PLEKHS1: variants seen among roughly 807,000 people sequenced by gnomAD.
PLEKHS1 encodes pleckstrin homology domain containing S1, also known as pleckstrin homology domain-containing family S member 1.
A neutral mutation model predicts 51.0 loss-of-function variants in PLEKHS1; 55 were observed. The ratio of observed to expected loss-of-function variants is 1.08; its 90% CI spans 0.87 to 1.35. The LOEUF (loss-of-function observed/expected upper bound fraction) is 1.35, where lower values mean the gene tolerates loss of function less well. Ranked by LOEUF, PLEKHS1 falls within the 40% of genes most tolerant of loss-of-function variation. The pLI, the probability that PLEKHS1 is intolerant of heterozygous loss-of-function variation, is 0.00. For missense variants in PLEKHS1, 398 were observed against 423.0 expected, an observed-to-expected ratio of 0.94 and a Z score of 0.52; for synonymous variants, 153 against 144.8, an observed-to-expected ratio of 1.06 and a Z score of -0.41.
Position 113,766,644 on chromosome 10 carries a change from A to G in PLEKHS1, c.150A>G (p.Ser50=). 2.5e-6 allele frequency: 4 copies of G among 1,612,176 alleles called. No homozygotes were observed. The South Asian group carries it at 3.3e-5, about 13-fold the overall frequency. Residue 50 remains serine, a synonymous_variant, in exon 4 of 12, where the codon TCA becomes TCG. Coordinates refer to ENST00000361048, the Ensembl canonical transcript of PLEKHS1. ...GGAAAAAGCGGTTTTTCATCCTGTCAAAGGCTGGGGAAAAGAGCTTTAGTC... is the reference window on the plus strand; with the variant it reads ...GGAAAAAGCGGTTTTTCATCCTGTCGAAGGCTGGGGAAAAGAGCTTTAGTC...
At chr10:113,760,989 G>C (rs1843896594) in intron 2 of PLEKHS1, among the ~76,000 whole-genome samples, 1 of 152,166 alleles carries the variant, frequency 6.6e-6, no homozygotes, top group Non-Finnish European at 1.5e-5. Flanking sequence ...TATTTGGGAT[G>C]ACATAGGGGT....
intron 7 of PLEKHS1, chr10:113,771,342 A>T (rs1408972582): frequency 6.6e-6 from 1 of 152,164 alleles, no homozygotes; most frequent in African/African-American, 2.4e-5. Flanking sequence ...TACAGGAAAA[A>T]GATGAGGGTA....
intron 1 of PLEKHS1, among the ~76,000 whole-genome samples, chr10:113,753,909 G>C (rs1223177437): frequency 6.6e-6 from 1 of 152,020 alleles, no homozygotes; most frequent in Non-Finnish European, 1.5e-5. Flanking sequence ...CTGGGTTCAT[G>C]TGATTCTTCT....
At chr10:113,767,876 C>A (rs1844233742) in intron 5 of PLEKHS1, among the ~76,000 whole-genome samples, 1 of 152,144 alleles carries the variant, frequency 6.6e-6, no homozygotes, top group African/African-American at 2.4e-5. Flanking sequence ...GGCGTTCTCC[C>A]TGTGTGCATA....
At chr10:113,777,460 G>C in intron 11 of PLEKHS1, 3 of 1,599,920 alleles carry the variant, frequency 1.9e-6, no homozygotes, top group Non-Finnish European at 2.6e-6. Context: ...AAGGCACTGA[G>C]CTAAGAGACA....
downstream of PLEKHS1, chr10:113,782,448 G>C (rs1312533325): frequency 1.3e-5 from 2 of 152,170 alleles, no homozygotes; most frequent in Admixed American, 6.5e-5. Flanking sequence ...GTTTGGATCT[G>C]TGTCCCTAAC....
chr10:113,777,795 G>A, intron 11 of PLEKHS1: 2 of 1,436,330 alleles, frequency 1.4e-6, no homozygotes, highest in Non-Finnish European at 1.8e-6. Context: ...AATCGTCACA[G>A]CCCTAACTTC....
intron 2 of PLEKHS1, among the ~76,000 whole-genome samples, chr10:113,762,863 G>T (rs1844003458): frequency 6.6e-6 from 1 of 151,868 alleles, no homozygotes; most frequent in South Asian, 2.1e-4. Flanking sequence ...CTGTATTCTT[G>T]CTGATTTTCT....
intron 2 of PLEKHS1, 52 bp downstream of exon 2, chr10:113,755,357 C>G (rs773673727): frequency 6.3e-7 from 1 of 1,586,068 alleles, no homozygotes; most frequent in Non-Finnish European, 8.6e-7. Flanking sequence ...TGAAAATGCC[C>G]CACGGTTTCC....
intron 1 of PLEKHS1, among the ~76,000 whole-genome samples, chr10:113,754,565 C>T (rs867993624): frequency 2.0e-5 from 3 of 152,104 alleles, no homozygotes; most frequent in Admixed American, 6.5e-5. Flanking sequence ...CTCCGCCTCC[C>T]GGGTTCAAGC....
intron 2 of PLEKHS1, chr10:113,765,412 T>A (rs930454069): frequency 2.6e-6 from 2 of 779,350 alleles, no homozygotes; most frequent in East Asian, 2.4e-5. Flanking sequence ...TTTTTCTGAA[T>A]CTCTGATGTA....
chr10:113,777,363 T>A, intron 11 of PLEKHS1, 104 bp downstream of exon 12: 1 of 1,608,754 alleles, frequency 6.2e-7, no homozygotes, highest in South Asian at 1.1e-5. Flanking sequence ...CAAATAAGGT[T>A]CCTCATTCTT....
At chr10:113,766,536 G>C in intron 3 of PLEKHS1, 37 bp downstream of exon 3, 1 of 1,578,798 alleles carries the variant, frequency 6.3e-7, no homozygotes, top group Non-Finnish European at 8.7e-7. Flanking sequence ...CCTCCCACCA[G>C]CCTCATGAGC....
intron 7 of PLEKHS1, among the ~76,000 whole-genome samples, chr10:113,770,654 G>A (rs117877840): frequency 5.3e-4 from 81 of 152,164 alleles, no homozygotes; most frequent in Non-Finnish European, 9.7e-4. Context: ...GCTTTTTGTA[G>A]CATATCAAAT....
intron 5 of PLEKHS1, among the ~76,000 whole-genome samples, chr10:113,768,614 C>A (rs1336233446): frequency 6.6e-6 from 1 of 152,218 alleles, no homozygotes; most frequent in African/African-American, 2.4e-5. Flanking sequence ...TTTCTCTGAG[C>A]TTTCCTTGCA....
chr10:113,767,056 T>C lies in PLEKHS1; in HGVS notation c.225-289T>C, dbSNP rs528804160. Among the ~76,000 whole-genome samples, 510 of 152,332 alleles carry C rather than the reference T, an allele frequency of 3.3e-3. 4 individuals are homozygous for C. Among genetic ancestry groups the C allele is most frequent in the African/African-American group, 0.011 (477 of 41,582 alleles). ...TTTTAAAAAATATTTAGATCAGCTT[T>C]TTTTGGTCTTCTCTTTAATAAATTG... On this transcript the variant is annotated intron_variant, in intron 4 of 11. Transcript: ENST00000361048.
intron 2 of PLEKHS1, chr10:113,765,245 A>G (rs1593021442): frequency 1.8e-6 from 1 of 542,976 alleles, no homozygotes; most frequent in Non-Finnish European, 3.4e-6. Context: ...TAAGTCTTTC[A>G]TGATTTTTTA....
At chr10:113,763,709 C>T (rs185941073) in intron 2 of PLEKHS1, among the ~76,000 whole-genome samples, 3 of 152,248 alleles carry the variant, frequency 2.0e-5, no homozygotes, top group Admixed American at 6.5e-5. Flanking sequence ...TTTACAAAAG[C>T]GTATTTCCAT....
In PLEKHS1 at chr10:113,760,908, C is replaced by T. The variant is rs114706335; in HGVS notation, c.29-5503C>T. Among the ~76,000 whole-genome samples the T allele has an allele frequency of 3.2e-3, 484 of 152,178 alleles. 2 individuals are homozygous for T. Among genetic ancestry groups the T allele is most frequent in the African/African-American group, 0.011 (462 of 41,514 alleles). On this transcript the variant is annotated intron_variant, in intron 2 of 11. Transcript: ENST00000361048. ...AAATCCAAGATTATAAAAATTTACA[C>T]CTATGTTTTCTACTAAAAGTTTTAT...
Sources: allele counts gnomAD v4.1 joint callset (sites outside exome capture counted in the v4.1 genomes callset), GRCh38; gene constraint gnomAD v4.1.1; transcripts MANE v1.5; gene names NCBI Gene and HGNC (gene_info 2026-07-23, HGNC 2026-07-21).